APBB2: variants seen among roughly 807,000 people sequenced by gnomAD.
APBB2 encodes the protein Fe65-like 1.
In APBB2, 38 loss-of-function variants were observed where a neutral mutation model predicts 82.5. The observed-to-expected ratio is 0.46, with a 90% CI of 0.36 to 0.60. The LOEUF is 0.60. Among genes scored for constraint, APBB2 ranks in the 20% least tolerant of loss-of-function variants. The pLI is 0.00. For missense variants in APBB2, 772 were observed against 972.3 expected (o/e 0.79, Z 2.74); for synonymous variants, 341 against 368.2 (o/e 0.93, Z 0.85).
intron 1 of APBB2, among the ~76,000 whole-genome samples, chr4:41,210,523 G>A (rs7662463): frequency 0.42 from 63,401 of 152,002 alleles, 13,668 homozygotes; most frequent in African/African-American, 0.51. Context: ...GAGAAATGCC[G>A]TCAACACATA....
intron 1 of APBB2, among the ~76,000 whole-genome samples, chr4:41,182,716 G>A (rs980832614): frequency 2.0e-5 from 3 of 152,204 alleles, no homozygotes; most frequent in Non-Finnish European, 4.4e-5. Context: ...AGAAGGTGAA[G>A]GGGAAGCAAG....
chr4:41,006,849 G>C (rs1305469327), intron 6 of APBB2, among the ~76,000 whole-genome samples: 1 of 152,214 alleles, frequency 6.6e-6, no homozygotes, highest in Admixed American at 6.5e-5. Flanking sequence ...AAAATGAACA[G>C]TTAGAAGAGG....
chr4:40,868,477 A>G (rs1408003162), intron 12 of APBB2, among the ~76,000 whole-genome samples: 1 of 152,258 alleles, frequency 6.6e-6, no homozygotes, highest in Non-Finnish European at 1.5e-5. Flanking sequence ...AATCTGAACC[A>G]TTAGCAATCT....
chr4:41,168,413 T>G (rs1228174626), intron 1 of APBB2, among the ~76,000 whole-genome samples: 3 of 152,064 alleles, frequency 2.0e-5, no homozygotes, highest in Admixed American at 1.3e-4. Flanking sequence ...AGAGTCTCGC[T>G]CTGTCACCCA....
intron 16 of APBB2, among the ~76,000 whole-genome samples, chr4:40,823,250 T>C (rs1748632588): frequency 6.6e-6 from 1 of 152,164 alleles, no homozygotes; most frequent in Non-Finnish European, 1.5e-5. Flanking sequence ...AGACAACCAA[T>C]AGCTCCTTCT....
rs1754656956 is a variant in APBB2, at chr4:41,127,244, C to A, written c.-261+15743G>T. On this transcript the variant is annotated intron_variant, in intron 2 of 17. Coordinates refer to ENST00000508593, the MANE Select transcript of APBB2 (RefSeq NM_004307.2). This position sits in a 1 kb window ranked among gnomAD's most constrained non-coding sequence, Gnocchi z 4.8. ...CTTCATAAAGACACACACCAAACAACCATAATGAAAAGTCTTTTGGGGAAA... is the reference window on the plus strand; with the variant it reads ...CTTCATAAAGACACACACCAAACAAACATAATGAAAAGTCTTTTGGGGAAA... Among the ~76,000 whole-genome samples, 2 of 151,844 alleles carry A rather than the reference C, an allele frequency of 1.3e-5. No individual in the cohort carries two copies. Among genetic ancestry groups the A allele is most frequent in the Admixed American group, 6.6e-5 (1 of 15,264 alleles).
At chr4:40,908,204 A>G (rs1361488470) in intron 10 of APBB2, among the ~76,000 whole-genome samples, 1 of 151,998 alleles carries the variant, frequency 6.6e-6, no homozygotes, top group Non-Finnish European at 1.5e-5. Context: ...AACCCGGGAG[A>G]GCGGCCCCAG....
At chr4:41,066,128 G>C (rs868809838) in intron 3 of APBB2, among the ~76,000 whole-genome samples, 54 of 105,810 alleles carry the variant, frequency 5.1e-4, no homozygotes, top group South Asian at 1.4e-3. Context: ...TAGATGTCAT[G>C]TTGATTGGAA....
chr4:40,949,911 T>G (rs1476291857), intron 6 of APBB2, among the ~76,000 whole-genome samples: 8 of 152,166 alleles, frequency 5.3e-5, no homozygotes, highest in Non-Finnish European at 1.0e-4. Context: ...CTGGAGAATG[T>G]TTTTCTATTT....
intron 6 of APBB2, among the ~76,000 whole-genome samples, chr4:40,964,230 A>G (rs1330205720): frequency 6.6e-6 from 1 of 152,154 alleles, no homozygotes; most frequent in African/African-American, 2.4e-5. Context: ...CCAGATTTCA[A>G]CTGGTCACCC....
intron 6 of APBB2, among the ~76,000 whole-genome samples, chr4:40,985,090 T>C (rs951926101): frequency 6.6e-6 from 1 of 152,008 alleles, no homozygotes; most frequent in African/African-American, 2.4e-5. Flanking sequence ...GCTAATTTTT[T>C]TTTTTGTAGA....
chr4:41,114,012 T>C (rs1386591456), intron 2 of APBB2: 4 of 152,366 alleles, frequency 2.6e-5, no homozygotes, highest in African/African-American at 9.7e-5. Context: ...TGCGCAAGGA[T>C]GACACGCAAA....
intron 1 of APBB2, among the ~76,000 whole-genome samples, chr4:41,194,458 G>A: frequency 6.6e-6 from 1 of 152,328 alleles, no homozygotes; most frequent in East Asian, 1.9e-4. Context: ...CACGGCAGGT[G>A]GACTGCTTGA....
chr4:41,013,918 T>C lies in APBB2; in HGVS notation c.500A>G (p.Asp167Gly). ...RTKSFLNYYA[D>G]LETSARELEQ... ...TAGTTCTCTGGCTGAGGTTTCCAGATCTGCATAGTAATTTAGGAAGCTCTT... is the reference window on the plus strand; with the variant it reads ...TAGTTCTCTGGCTGAGGTTTCCAGACCTGCATAGTAATTTAGGAAGCTCTT... The change falls in exon 6 of 18, where the codon GAT becomes GGT. Residue 167 changes from aspartate (D) to glycine (G), a missense_variant. By Grantham distance (94) the Asp-to-Gly change is moderately conservative. Transcript: ENST00000508593. 1 of 1,614,156 alleles carries C rather than the reference T, an allele frequency of 6.2e-7. No homozygotes were observed.
chr4:41,029,201 CTGTT>C (rs1715708353), intron 5 of APBB2, among the ~76,000 whole-genome samples: 1 of 152,198 alleles, frequency 6.6e-6, no homozygotes, highest in South Asian at 2.1e-4. Flanking sequence ...AGGAATGTCA[CTGTT>C]TGAACTAGAT....
intron 12 of APBB2, among the ~76,000 whole-genome samples, chr4:40,846,480 T>C (rs1006910940): frequency 3.9e-5 from 6 of 152,232 alleles, no homozygotes; most frequent in African/African-American, 1.4e-4. Flanking sequence ...TGAACTGAAA[T>C]GAATACTGAA....
chr4:41,077,128 C>G (rs1735911822), intron 3 of APBB2, among the ~76,000 whole-genome samples: 1 of 151,516 alleles, frequency 6.6e-6, no homozygotes, highest in Non-Finnish European at 1.5e-5. Flanking sequence ...CCTCAACTTC[C>G]CGAGTAACTA....
chr4:40,913,533 C>G (rs1779087766), intron 10 of APBB2, among the ~76,000 whole-genome samples: 1 of 152,154 alleles, frequency 6.6e-6, no homozygotes, highest in African/African-American at 2.4e-5. Flanking sequence ...TCCATATCTG[C>G]AAGTTCACCT....
At chr4:41,011,444 T>C (rs538914432) in intron 6 of APBB2, among the ~76,000 whole-genome samples, 3 of 151,818 alleles carry the variant, frequency 2.0e-5, no homozygotes, top group Non-Finnish European at 4.4e-5. Flanking sequence ...CTAATTTTTA[T>C]TTTTTGAGAT....
Sources: allele counts gnomAD v4.1 joint callset (sites outside exome capture counted in the v4.1 genomes callset), GRCh38; gene constraint gnomAD v4.1.1; non-coding constraint Gnocchi (gnomAD v3.1); transcripts MANE v1.5; gene names NCBI Gene and HGNC (gene_info 2026-07-23, HGNC 2026-07-21).